Variants in DPY19L1 observed in about 807,000 individuals in gnomAD.
The protein encoded by DPY19L1 is dpy-19 like C-mannosyltransferase 1.
DPY19L1 carries 35 observed loss-of-function variants against 96.9 expected under a neutral mutation model. That is an observed-to-expected ratio of 0.36 (90% CI 0.28 to 0.48). The LOEUF is 0.48. Ranked by LOEUF, DPY19L1 falls within the 20% of genes least tolerant of loss-of-function variation. The pLI is 0.99. For missense variants in DPY19L1, 521 were observed against 777.9 expected, an observed-to-expected ratio of 0.67 and a Z score of 3.93; for synonymous variants, 205 against 252.6, an observed-to-expected ratio of 0.81 and a Z score of 1.79.
chr7:35,020,762 G>A (rs1029588394), intron 1 of DPY19L1, among the ~76,000 whole-genome samples: 105 of 152,210 alleles, frequency 6.9e-4, no homozygotes, highest in African/African-American at 2.4e-3. Context: ...AGGCTGGAGT[G>A]CAGTGGCATG....
At chr7:34,955,080 AAACATGAGT>A (rs1784349774) in intron 12 of DPY19L1, among the ~76,000 whole-genome samples, 1 of 148,188 alleles carries the variant, frequency 6.7e-6, no homozygotes, top group East Asian at 1.9e-4. Context: ...TTCTCAGATG[AAACATGAGT>A]AATAAATAAA....
intron 11 of DPY19L1, among the ~76,000 whole-genome samples, chr7:34,957,355 A>C (rs1784401066): frequency 6.6e-6 from 1 of 152,180 alleles, no homozygotes; most frequent in Non-Finnish European, 1.5e-5. Context: ...AGCGTAGGCA[A>C]CAAGAGTGAA....
intron 6 of DPY19L1, among the ~76,000 whole-genome samples, chr7:34,993,860 C>T (rs2128673331): frequency 6.6e-6 from 1 of 151,364 alleles, no homozygotes; most frequent in Admixed American, 6.6e-5. Flanking sequence ...AGGAGTTCGA[C>T]ACCAGCCTGC....
chr7:34,964,476 A>G (rs1285402670), intron 10 of DPY19L1, among the ~76,000 whole-genome samples: 2 of 152,210 alleles, frequency 1.3e-5, no homozygotes, highest in African/African-American at 2.4e-5. Flanking sequence ...TCATTCATGA[A>G]CAAGGATGTA....
intron 6 of DPY19L1, among the ~76,000 whole-genome samples, chr7:35,008,189 A>G (rs1584252523): frequency 1.3e-5 from 2 of 152,248 alleles, no homozygotes; most frequent in South Asian, 4.2e-4. Flanking sequence ...CTGCCTCTGA[A>G]GTTCTAAGCA....
intron 6 of DPY19L1, among the ~76,000 whole-genome samples, chr7:34,992,158 T>C (rs1785183576): frequency 6.6e-6 from 1 of 152,186 alleles, no homozygotes; most frequent in African/African-American, 2.4e-5. Flanking sequence ...CAGACTCATG[T>C]GCTTTTCAAA....
chr7:35,011,172 C>G (rs990572928), intron 5 of DPY19L1, among the ~76,000 whole-genome samples, 158 bp downstream of exon 5: 1 of 152,122 alleles, frequency 6.6e-6, no homozygotes, highest in Non-Finnish European at 1.5e-5. Flanking sequence ...AAACCAGCCC[C>G]GCTAAAGCCT....
chr7:34,991,267 G>C (rs1436948223), intron 6 of DPY19L1, among the ~76,000 whole-genome samples: 1 of 152,186 alleles, frequency 6.6e-6, no homozygotes, highest in African/African-American at 2.4e-5. Context: ...GATATCTTAG[G>C]GGAACAACTG....
intron 8 of DPY19L1, among the ~76,000 whole-genome samples, chr7:34,971,359 G>A (rs1162982350): frequency 6.6e-6 from 1 of 152,126 alleles, no homozygotes; most frequent in East Asian, 1.9e-4. Context: ...CAAAATGAAA[G>A]CCCACACTTC....
In DPY19L1 at chr7:34,969,437, G is replaced by A. The variant is rs368309632; in HGVS notation, c.1010C>T (p.Thr337Ile). ...CTTAAAATATAATCACCTCACCTGAGTAAGAAGTACAAACTGAGCAAACTG... is the reference window on the plus strand; with the variant it reads ...CTTAAAATATAATCACCTCACCTGAATAAGAAGTACAAACTGAGCAAACTG... ...PWQFAQFVLL[T>I]QIASLFAVYV... The change falls in exon 9 of 22, where the codon ACT becomes ATT. Residue 337 changes from threonine to isoleucine, a missense_variant. Coordinates refer to ENST00000638088, the MANE Select transcript of DPY19L1 (RefSeq NM_001366673.1). The A allele has an allele frequency of 5.7e-5, 87 of 1,531,278 alleles. No individual in the cohort carries two copies. The highest frequency in any genetic ancestry group is 7.0e-5 in the Non-Finnish European group (80 of 1,139,158). The allele number at this position is 1,531,278 out of a possible 1,614,324, so 94.9% of individuals were successfully genotyped here.
At chr7:35,036,735 G>A (rs1451629059) in intron 1 of DPY19L1, among the ~76,000 whole-genome samples, 1 of 152,156 alleles carries the variant, frequency 6.6e-6, no homozygotes, top group African/African-American at 2.4e-5. Flanking sequence ...GGCGGTCAGA[G>A]GCCGAGATAA....
chr7:35,005,636 T>C (rs1339112227), intron 6 of DPY19L1, among the ~76,000 whole-genome samples: 11 of 84,486 alleles, frequency 1.3e-4, no homozygotes, highest in Non-Finnish European at 2.5e-4. Flanking sequence ...CTGTCTCTAC[T>C]AAAAAAAAAA....
intron 6 of DPY19L1, among the ~76,000 whole-genome samples, chr7:35,004,856 G>T (rs1438767684): frequency 6.6e-6 from 1 of 152,130 alleles, no homozygotes; most frequent in African/African-American, 2.4e-5. Context: ...GCAGTGACTG[G>T]GCAGCTGTCA....
At chr7:35,017,501 CAAAAAAAAAA>C (rs1161959357) in intron 3 of DPY19L1, among the ~76,000 whole-genome samples, 10 of 13,680 alleles carry the variant, frequency 7.3e-4, no homozygotes, top group Admixed American at 1.4e-3. Flanking sequence ...GACTCCGTCT[CAAAAAAAAAA>C]AAAAAAAAAA....
intron 5 of DPY19L1, among the ~76,000 whole-genome samples, chr7:35,011,029 A>T (rs1785698161): frequency 6.6e-6 from 1 of 152,170 alleles, no homozygotes; most frequent in African/African-American, 2.4e-5. Flanking sequence ...CCCAGCTGAG[A>T]GTTCCAGCTG....
chr7:34,958,738 A>T (rs1784429426), intron 10 of DPY19L1, among the ~76,000 whole-genome samples: 1 of 152,242 alleles, frequency 6.6e-6, no homozygotes, highest in South Asian at 2.1e-4. Flanking sequence ...TCCTATGGAT[A>T]TATATTCTGG....
chr7:35,005,636 TAAAAAAAAAAAA>T (rs755623073), intron 6 of DPY19L1, among the ~76,000 whole-genome samples: 12 of 84,472 alleles, frequency 1.4e-4, no homozygotes, highest in South Asian at 4.7e-4. Context: ...CTGTCTCTAC[TAAAAAAAAAAAA>T]AAAAAAAAAA....
In DPY19L1 at chr7:35,017,921, G is replaced by A. The variant is rs1272887791; in HGVS notation, c.372C>T (p.Leu124=). 1.9e-6 allele frequency: 3 copies of A among 1,606,960 alleles called. No individual in the cohort carries two copies. The highest frequency in any genetic ancestry group is 2.6e-6 in the Non-Finnish European group (3 of 1,176,450). ...LFENDRHFSH[L]STLEREMAFR... ...AAGCCATCTCCCTTTCCAATGTTGA[G>A]AGGTGAGAAAAATGACGGTCATTTT... The change falls in exon 3 of 22, where the codon CTC becomes CTT. Residue 124 remains leucine, a synonymous_variant. Transcript: ENST00000638088.
At position 34,929,853 on chromosome 7, in the gene DPY19L1, G is replaced by T. The variant is rs1236996785; in HGVS notation, c.*1720C>A. On this transcript the variant is annotated 3_prime_UTR_variant, in exon 22 of 22. Coordinates refer to ENST00000638088, the MANE Select transcript of DPY19L1 (RefSeq NM_001366673.1). ...AGTCAACCAGCAAATGAGAAACAGTGGCCACAAATCTGAAGAACGCTGCCA... is the reference window on the plus strand; with the variant it reads ...AGTCAACCAGCAAATGAGAAACAGTTGCCACAAATCTGAAGAACGCTGCCA... The T allele has an allele frequency of 1.3e-5, 2 of 152,232 alleles. No homozygotes were observed. The highest frequency in any genetic ancestry group is 2.9e-5 in the Non-Finnish European group (2 of 68,042). The allele number at this position is 152,232 out of a possible 1,614,324, so 9.4% of individuals were successfully genotyped here.
Sources: gnomAD v4.1 joint callset for allele counts (sites outside exome capture counted in the v4.1 genomes callset) on GRCh38, gnomAD v4.1.1 for gene constraint, MANE v1.5 for transcripts, NCBI Gene and HGNC (gene_info 2026-07-23, HGNC 2026-07-21) for gene names.